The following CCDC6 variants were observed in gnomAD, a reference collection of about 807,000 sequenced individuals.
CCDC6 encodes the protein coiled-coil domain-containing protein 6.
Under a neutral mutation model 56.6 loss-of-function variants are expected in CCDC6, and 20 were observed. The observed-to-expected ratio is 0.35, with a 90% CI of 0.25 to 0.51. CCDC6 has a LOEUF of 0.51. Ranked by LOEUF, CCDC6 falls within the 20% of genes least tolerant of loss-of-function variation. The probability of loss-of-function intolerance (pLI) is 0.95; values close to 1 mark genes in which losing one functional copy is unlikely to be tolerated. For missense variants in CCDC6, 367 were observed against 601.1 expected (o/e 0.61, Z 4.07); for synonymous variants, 241 against 234.4 (o/e 1.03, Z -0.26).
chr10:59,813,150 T>C (rs1377309230), intron 4 of CCDC6, among the ~76,000 whole-genome samples: 1 of 152,248 alleles, frequency 6.6e-6, no homozygotes, highest in Admixed American at 6.5e-5. Flanking sequence ...TTGGGTTTAG[T>C]GCATGAAGAT....
chr10:59,812,769 G>T lies in CCDC6; in HGVS notation c.713C>A (p.Pro238His). The change falls in exon 5 of 9, where the codon CCC (proline) becomes CAC (histidine). Residue 238 changes from proline to histidine, a missense_variant. Pro to His is a moderately conservative substitution (Grantham distance 77). Coordinates refer to ENST00000263102, the MANE Select transcript of CCDC6 (RefSeq NM_005436.5). The part of the protein sequence containing the change: ...KRILQEKLDQ[P>H]VSAPPSPRDI... The stretch of plus-strand genomic sequence containing the variant: ...TCTAGGCGATGGTGGAGCAGAGACG[G>T]GCTGGTCTAATTTTTCCTGCAGGAT... 6.2e-7 allele frequency: 1 copy of T among 1,607,446 alleles called. No homozygotes were observed. Among genetic ancestry groups the T allele is most frequent in the Non-Finnish European group, 8.5e-7 (1 of 1,176,730 alleles).
intron 5 of CCDC6, among the ~76,000 whole-genome samples, chr10:59,811,732 C>T (rs1315749790): frequency 3.3e-5 from 5 of 152,070 alleles, no homozygotes; most frequent in Non-Finnish European, 5.9e-5. Context: ...AGTCAGCCTT[C>T]CACATGTACA....
intron 1 of CCDC6, among the ~76,000 whole-genome samples, chr10:59,903,018 T>TG (rs1377704824): frequency 6.6e-6 from 1 of 152,090 alleles, no homozygotes; most frequent in Non-Finnish European, 1.5e-5. Context: ...ATATAGGAGT[T>TG]GGGGAACATG....
chr10:59,876,073 C>CTTTTTTTTTTTTTTTTTTT lies in CCDC6; in HGVS notation c.304-23372_304-23371insAAAAAAAAAAAAAAAAAAA, dbSNP rs1172379933. Among the ~76,000 whole-genome samples, 5 of 97,586 alleles carry CTTTTTTTTTTTTTTTTTTT rather than the reference C, an allele frequency of 5.1e-5. 2 individuals carry two copies. Among genetic ancestry groups the CTTTTTTTTTTTTTTTTTTT allele is most frequent in the African/African-American group, 1.7e-4 (4 of 24,214 alleles). The allele number at this position is 97,586 out of a possible 152,430, so 64.0% of individuals were successfully genotyped here. ...CATACACGAGTGCATGCACAGATGT[C>CTTTTTTTTTTTTTTTTTTT]TTTTTTTTTTTTTTTTTTCAGATCG... On this transcript the variant is annotated intron_variant, in intron 1 of 8. Transcript: ENST00000263102.
chr10:59,866,642 G>A (rs2071180219), intron 1 of CCDC6, among the ~76,000 whole-genome samples: 1 of 152,134 alleles, frequency 6.6e-6, no homozygotes. Context: ...AGGGAAACTA[G>A]CTCAGAGAGG....
chr10:59,858,871 C>A lies in CCDC6; in HGVS notation c.304-6169G>T, dbSNP rs1310154328. ...CATAGTTGAAGTACTAGCCTGCAGA[C>A]CACCCTTTAGAGGAGGTTTATAGAC... On this transcript the variant is annotated intron_variant, in intron 1 of 8. Coordinates refer to ENST00000263102, the MANE Select transcript of CCDC6 (RefSeq NM_005436.5). 2.0e-5 allele frequency among the ~76,000 whole-genome samples: 3 copies of A among 152,140 alleles called. No individual in the cohort carries two copies. The South Asian group carries it at 6.2e-4, about 32-fold the overall frequency.
At chr10:59,873,124 G>A (rs549281171) in intron 1 of CCDC6, among the ~76,000 whole-genome samples, 7 of 152,262 alleles carry the variant, frequency 4.6e-5, no homozygotes, top group East Asian at 1.9e-4. Flanking sequence ...TACAGTATAC[G>A]TGGTAGGTGC....
chr10:59,803,882 A>G (rs1433949144), intron 7 of CCDC6, among the ~76,000 whole-genome samples: 1 of 152,232 alleles, frequency 6.6e-6, no homozygotes, highest in Non-Finnish European at 1.5e-5. Context: ...TCATGCTAGA[A>G]AGAACACACA....
At chr10:59,819,611 A>T (rs2070735803) in intron 3 of CCDC6, among the ~76,000 whole-genome samples, 2 of 152,180 alleles carry the variant, frequency 1.3e-5, no homozygotes, top group South Asian at 4.1e-4. Flanking sequence ...AATATATGTT[A>T]AGTTTCCAGG....
intron 1 of CCDC6, among the ~76,000 whole-genome samples, chr10:59,867,995 C>T (rs1214712689): frequency 6.6e-6 from 1 of 152,210 alleles, no homozygotes; most frequent in Non-Finnish European, 1.5e-5. Context: ...AAGTGTACCA[C>T]AAACAAGCTG....
chr10:59,827,423 A>C (rs1233408006), intron 3 of CCDC6, among the ~76,000 whole-genome samples: 1 of 152,220 alleles, frequency 6.6e-6, no homozygotes, highest in Non-Finnish European at 1.5e-5. Flanking sequence ...CCACATTTGA[A>C]TAATCCTGCA....
At chr10:59,892,901 C>T (rs1194420730) in intron 1 of CCDC6, among the ~76,000 whole-genome samples, 1 of 151,902 alleles carries the variant, frequency 6.6e-6, no homozygotes, top group Non-Finnish European at 1.5e-5. Context: ...ACTCCTTTCA[C>T]GTCATCCCGC....
At chr10:59,857,675 ATTTTTT>A (rs111786597) in intron 1 of CCDC6, among the ~76,000 whole-genome samples, 10 of 148,180 alleles carry the variant, frequency 6.7e-5, no homozygotes, top group Non-Finnish European at 1.5e-4. Context: ...ATTTGCACAG[ATTTTTT>A]TTTTTTAAAG....
At chr10:59,878,915 GA>G (rs1411555033) in intron 1 of CCDC6, among the ~76,000 whole-genome samples, 1 of 152,172 alleles carries the variant, frequency 6.6e-6, no homozygotes, top group Non-Finnish European at 1.5e-5. Flanking sequence ...GAAAGGAAAG[GA>G]AAAGATGCAG....
intron 3 of CCDC6, among the ~76,000 whole-genome samples, chr10:59,829,521 A>C (rs908177635): frequency 6.6e-6 from 1 of 152,208 alleles, no homozygotes; most frequent in African/African-American, 2.4e-5. Flanking sequence ...AAACAACCTA[A>C]ATGTCCATCA....
chr10:59,866,130 T>A (rs1302278888), intron 1 of CCDC6, among the ~76,000 whole-genome samples: 5 of 152,198 alleles, frequency 3.3e-5, no homozygotes, highest in African/African-American at 1.2e-4. Flanking sequence ...ATGGAGAATC[T>A]CCTGCATGGG....
In CCDC6 at chr10:59,793,774, GAAAA is replaced by G. The variant is rs11421511; in HGVS notation, c.1231-667_1231-664del. Among the ~76,000 whole-genome samples the G allele has an allele frequency of 1.3e-3, 188 of 144,052 alleles. 1 individual carries two copies. The highest frequency in any genetic ancestry group is 4.6e-3 in the African/African-American group (182 of 39,194). The allele number at this position is 144,052 out of a possible 152,430, so 94.5% of individuals were successfully genotyped here. ...ACTCCAGCCTGGATGACAGAGTGAG[GAAAA>G]AAAAAAAAAAAGTTCCTACTTTTAC... On this transcript the variant is annotated intron_variant, in intron 8 of 8. Coordinates refer to ENST00000263102, the MANE Select transcript of CCDC6 (RefSeq NM_005436.5).
intron 5 of CCDC6, among the ~76,000 whole-genome samples, 188 bp from the exon 6 acceptor site, chr10:59,807,266 C>T (rs2070633379): frequency 6.6e-6 from 1 of 152,174 alleles, no homozygotes; most frequent in African/African-American, 2.4e-5. Flanking sequence ...AGGCGGATCA[C>T]CTGATGTCAG....
intron 1 of CCDC6, among the ~76,000 whole-genome samples, chr10:59,886,867 C>T (rs1276178375): frequency 6.6e-6 from 1 of 152,132 alleles, no homozygotes; most frequent in Non-Finnish European, 1.5e-5. Context: ...ACAAATGGCT[C>T]TTATAAACAC....
Sources: allele counts gnomAD v4.1 joint callset (sites outside exome capture counted in the v4.1 genomes callset), GRCh38; gene constraint gnomAD v4.1.1; transcripts MANE v1.5; gene names NCBI Gene and HGNC (gene_info 2026-07-23, HGNC 2026-07-21).